The following FBXO41 variants were observed in gnomAD, a reference collection of about 807,000 sequenced individuals.
FBXO41 encodes F-box protein 41.
FBXO41 carries 33 observed loss-of-function variants against 81.6 expected under a neutral mutation model. That is an observed-to-expected ratio of 0.40 (90% CI 0.31 to 0.54). The LOEUF (loss-of-function observed/expected upper bound fraction) is 0.54, where lower values mean the gene tolerates loss of function less well. Ranked by LOEUF, FBXO41 falls within the 20% of genes least tolerant of loss-of-function variation. The pLI, the probability that FBXO41 is intolerant of heterozygous loss-of-function variation, is 0.39. For missense variants in FBXO41, 1,107 were observed against 1,236.0 expected (o/e 0.90, Z 1.56); for synonymous variants, 576 against 552.7 (o/e 1.04, Z -0.59).
intron 1 of FBXO41, among the ~76,000 whole-genome samples, chr2:73,283,166 C>T (rs1688894315): frequency 6.6e-6 from 1 of 152,162 alleles, no homozygotes; most frequent in South Asian, 2.1e-4. Flanking sequence ...CCCATTATAC[C>T]CCTATTAGGC....
rs374997955 is a variant in FBXO41, at chr2:73,264,354, C to T, written c.1730G>A (p.Arg577Gln). ...RTLLHAAEVC[R>Q]DWRFVARHPA... Reference sequence around the variant, plus strand: ...GTGGCGGGCCACGAAGCGCCAGTCCCGGCAGACCTCGGCAGCATGCAGCAG... The same window carrying T: ...GTGGCGGGCCACGAAGCGCCAGTCCTGGCAGACCTCGGCAGCATGCAGCAG... Residue 577 changes from arginine to glutamine, a missense_variant, in exon 6 of 13, where the codon CGG (arginine) becomes CAG (glutamine). Physicochemically the swap from Arg to Gln is conservative, Grantham distance 43. Coordinates refer to ENST00000520530, the MANE Select transcript of FBXO41 (RefSeq NM_001371389.2). The T allele has an allele frequency of 6.9e-5, 112 of 1,613,566 alleles. 1 individual carries two copies. The highest frequency in any genetic ancestry group is 3.7e-4 in the Admixed American group (22 of 60,006).
rs1160380399 is a variant in FBXO41, at chr2:73,255,957, C to G, written c.*3025G>C. 9 of 152,284 alleles carry G rather than the reference C, an allele frequency of 5.9e-5. No individual in the cohort carries two copies. The allele number at this position is 152,284 out of a possible 1,614,324, so 9.4% of individuals were successfully genotyped here. A position where few individuals can be genotyped will look rare whatever the true frequency, so the allele number is the denominator to read the frequency against. ...GGTGCTGGGCTGGGCAGGCCACCCA[C>G]TCTTTATTCCTGCAGGGATGCATAT... On this transcript the variant is annotated 3_prime_UTR_variant, in exon 13 of 13. Coordinates refer to ENST00000520530, the MANE Select transcript of FBXO41 (RefSeq NM_001371389.2).
rs1410361677 is a variant in FBXO41 at position 73,260,187 on chromosome 2, T to A, written c.2449+202A>T. 6.6e-6 allele frequency among the ~76,000 whole-genome samples: 1 copy of A among 152,104 alleles called. No homozygotes were observed. Among genetic ancestry groups the A allele is most frequent in the Non-Finnish European group, 1.5e-5 (1 of 68,010 alleles). On this transcript the variant is annotated intron_variant, in intron 11 of 12. Transcript: ENST00000520530. The surrounding 1 kb of genome is among the most constrained non-coding windows in gnomAD (Gnocchi z 5.0). Reference sequence around the variant, plus strand: ...GAGAGGTATAGTAACTTGCCCAACATCACTCAGCTAATAAGTAGCAGAGCC... The same window carrying A: ...GAGAGGTATAGTAACTTGCCCAACAACACTCAGCTAATAAGTAGCAGAGCC...
chr2:73,258,961 C>T lies in FBXO41; in HGVS notation c.*21G>A. On this transcript the variant is annotated 3_prime_UTR_variant, in exon 13 of 13. Coordinates refer to ENST00000520530, the MANE Select transcript of FBXO41 (RefSeq NM_001371389.2). ...TGCCCTGGTGTGGGGCTGGCAGGGG[C>T]CCTGCCGCCCCCTACCCGGGTTAGC... 1.3e-6 allele frequency: 2 copies of T among 1,556,404 alleles called. No individual in the cohort carries two copies. Among genetic ancestry groups the T allele is most frequent in the Admixed American group, 1.9e-5 (1 of 52,088 alleles).
At position 73,269,578 on chromosome 2, in the gene FBXO41, C is replaced by A; in HGVS notation, c.53G>T (p.Arg18Leu). The change falls in exon 2 of 13, where the codon CGC becomes CTC. Residue 18 changes from arginine (R) to leucine (L), a missense_variant. By Grantham distance (102) the Arg-to-Leu change is moderately radical. Coordinates refer to ENST00000520530, the MANE Select transcript of FBXO41 (RefSeq NM_001371389.2). The surrounding 1 kb of genome is among the most constrained non-coding windows in gnomAD (Gnocchi z 7.0). ...YRCPRCGEHK[R>L]FRSLSSLRAH... ...GCGCAGCGACGACAGGCTCCGGAAG[C>A]GCTTGTGCTCCCCGCAGCGGGGGCA... is the stretch of plus-strand genomic sequence containing the variant. 7.5e-7 allele frequency: 1 copy of A among 1,334,960 alleles called. No individual in the cohort carries two copies. Among genetic ancestry groups the A allele is most frequent in the Non-Finnish European group, 9.7e-7 (1 of 1,032,816 alleles). 82.7% of individuals were successfully genotyped at this position (1,334,960 alleles called of 1,614,324 possible).
At chr2:73,262,808 C>T (rs551383432) in intron 9 of FBXO41, among the ~76,000 whole-genome samples, 9 of 152,318 alleles carry the variant, frequency 5.9e-5, no homozygotes, top group African/African-American at 1.9e-4. Context: ...TGCAATGGCA[C>T]GATCTCGGCT....
At chr2:73,283,790 C>T (rs1688915012) in intron 1 of FBXO41, among the ~76,000 whole-genome samples, 1 of 152,140 alleles carries the variant, frequency 6.6e-6, no homozygotes, top group Non-Finnish European at 1.5e-5. Context: ...CCCAGCCCCT[C>T]AGAAACCGGT....
intron 2 of FBXO41, 91 bp downstream of exon 2, chr2:73,268,635 A>G (rs1688365953): frequency 5.5e-6 from 7 of 1,277,260 alleles, no homozygotes; most frequent in Middle Eastern, 3.8e-4. Context: ...ATGGCCACAT[A>G]CAGACACACT....
chr2:73,279,583 G>A (rs6737049), intron 1 of FBXO41, among the ~76,000 whole-genome samples: 41,237 of 151,946 alleles, frequency 0.27, 7,631 homozygotes, highest in African/African-American at 0.51. Context: ...GAGCAACAGT[G>A]GAAATAATGT....
chr2:73,280,773 A>G (rs1413498192), intron 1 of FBXO41, among the ~76,000 whole-genome samples: 2 of 152,234 alleles, frequency 1.3e-5, no homozygotes, highest in African/African-American at 4.8e-5. Flanking sequence ...ATAATCATGG[A>G]CATGTTTGCA....
At chr2:73,281,509 C>T (rs1447670717) in intron 1 of FBXO41, among the ~76,000 whole-genome samples, 2 of 152,212 alleles carry the variant, frequency 1.3e-5, no homozygotes, top group East Asian at 1.9e-4. Flanking sequence ...CATTTGCAAG[C>T]CTGATGCAGG....
At position 73,268,768 on chromosome 2, in the gene FBXO41, T is replaced by C. The variant is rs1688371410; in HGVS notation, c.863A>G (p.Gln288Arg). Residue 288 changes from glutamine to arginine, a missense_variant, in exon 2 of 13, where the codon CAG becomes CGG. Physicochemically the swap from Gln to Arg is conservative, Grantham distance 43. Transcript: ENST00000520530. ...VSVELLASLKQDLVHKEQELS... is the reference protein window; with the variant it reads ...VSVELLASLKRDLVHKEQELS... ...CTCCTGTTCCTTGTGCACCAGGTCC[T>C]GCTTGAGTGAGGCCAGCAGCTCTAC... 3 of 1,574,112 alleles carry C rather than the reference T, an allele frequency of 1.9e-6. No homozygotes were observed. The highest frequency in any genetic ancestry group is 2.6e-6 in the Non-Finnish European group (3 of 1,159,000).
chr2:73,266,931 G>A lies in FBXO41; in HGVS notation c.906-249C>T. 2.1e-6 allele frequency: 1 copy of A among 477,406 alleles called. No individual in the cohort carries two copies. Among genetic ancestry groups the A allele is most frequent in the Non-Finnish European group, 3.6e-6 (1 of 277,764 alleles). 29.6% of individuals were successfully genotyped at this position (477,406 alleles called of 1,614,324 possible). ...CTGGCCCCAGACCCTGCTCTCCACA[G>A]AAATACTGCACACCCTGCTCTCCAC... On this transcript the variant is annotated intron_variant, in intron 2 of 12. Transcript: ENST00000520530. This position sits in a 1 kb window ranked among gnomAD's most constrained non-coding sequence, Gnocchi z 5.3.
chr2:73,263,787 C>T lies in FBXO41; in HGVS notation c.1966G>A (p.Gly656Arg), dbSNP rs924360511. 1.2e-6 allele frequency: 2 copies of T among 1,614,048 alleles called. No individual in the cohort carries two copies. Among genetic ancestry groups the T allele is most frequent in the Non-Finnish European group, 1.7e-6 (2 of 1,179,896 alleles). Residue 656 changes from glycine to arginine, a missense_variant, in exon 8 of 13, where the codon GGG (glycine) becomes AGG (arginine). By Grantham distance (125) the Gly-to-Arg change is moderately radical. This residue lies in a region of FBXO41 where 336 missense variants were observed against 446.7 expected (regional missense o/e 0.75). Transcript: ENST00000520530. ...AGLESLLKAA[G>R]GNLLILRISH... is the part of the protein sequence containing the mutation. ...ATGCGCAGGATCAGCAGGTTCCCCC[C>T]AGCTGCCTTCAGCAGGGACTCCAGC...
At chr2:73,272,779 T>C (rs185791843) in intron 1 of FBXO41, among the ~76,000 whole-genome samples, 1 of 152,308 alleles carries the variant, frequency 6.6e-6, no homozygotes, top group Admixed American at 6.5e-5. Flanking sequence ...ACCATAACTT[T>C]CATAGAGGTC....
intron 1 of FBXO41, among the ~76,000 whole-genome samples, chr2:73,277,236 C>A (rs1688724193): frequency 6.6e-6 from 1 of 152,212 alleles, no homozygotes; most frequent in African/African-American, 2.4e-5. Context: ...TGCCCTCCAT[C>A]TGCTGGAGCT....
chr2:73,283,400 T>C (rs886336348), intron 1 of FBXO41, among the ~76,000 whole-genome samples: 1 of 152,202 alleles, frequency 6.6e-6, no homozygotes, highest in Non-Finnish European at 1.5e-5. Context: ...AGCCCTGCCT[T>C]ACTCTCCTGC....
At position 73,260,801 on chromosome 2, in the gene FBXO41, G is replaced by A; in HGVS notation, c.2229C>T (p.Pro743=). The A allele has an allele frequency of 6.4e-7, 1 of 1,568,784 alleles. No homozygotes were observed. The highest frequency in any genetic ancestry group is 8.7e-7 in the Non-Finnish European group (1 of 1,155,662). The change falls in exon 10 of 13, where the codon CCC becomes CCT. Residue 743 remains proline (P), a synonymous_variant. Coordinates refer to ENST00000520530, the MANE Select transcript of FBXO41 (RefSeq NM_001371389.2). The surrounding 1 kb of genome is among the most constrained non-coding windows in gnomAD (Gnocchi z 5.0). ...RCLQMIGRCW[P]HLRALGVGGA... is the part of the protein sequence containing the mutation. ...CCCCGACCCCCAGGGCCCGCAGGTG[G>A]GGCCAACAGCGACCAATCATCTGCA...
chr2:73,262,513 A>C (rs769603119), intron 9 of FBXO41, among the ~76,000 whole-genome samples: 4 of 152,242 alleles, frequency 2.6e-5, no homozygotes, highest in Non-Finnish European at 5.9e-5. Context: ...ACCACCTTTC[A>C]TATGTCAAAC....
Sources: gnomAD v4.1 joint callset for allele counts (sites outside exome capture counted in the v4.1 genomes callset) on GRCh38, gnomAD v4.1.1 for gene constraint, gnomAD v4.1.1 regional missense constraint, Gnocchi (gnomAD v3.1) non-coding constraint, MANE v1.5 for transcripts, NCBI Gene and HGNC (gene_info 2026-07-23, HGNC 2026-07-21) for gene names.